Variants in CSMD1 observed in about 807,000 individuals in gnomAD.
CSMD1 encodes CUB and Sushi multiple domains 1.
A neutral mutation model predicts 417.5 loss-of-function variants in CSMD1; 213 were observed. That is an observed-to-expected ratio of 0.51 (90% CI 0.46 to 0.57). The LOEUF is 0.57. CSMD1 is among the 20% of genes least tolerant of loss of function. CSMD1 has a pLI of 0.00. For missense variants in CSMD1, 6,923 were observed against 4,529.7 expected (o/e 1.53, Z -15.17); for synonymous variants, 2,862 against 1,736.8 (o/e 1.65, Z -16.11).
At chr8:4,428,058 G>A (rs1041954772) in intron 2 of CSMD1, among the ~76,000 whole-genome samples, 1 of 152,150 alleles carries the variant, frequency 6.6e-6, no homozygotes, top group African/African-American at 2.4e-5. Context: ...AGACATGAAG[G>A]TTACATGTCT....
At chr8:4,269,045 C>G (rs1307564168) in intron 3 of CSMD1, among the ~76,000 whole-genome samples, 2 of 152,092 alleles carry the variant, frequency 1.3e-5, no homozygotes, top group Non-Finnish European at 2.9e-5. Context: ...TCCAAGGTAT[C>G]ATCTTCGTCT....
chr8:2,978,772 C>T lies in CSMD1; in HGVS notation c.8406G>A (p.Val2802=), dbSNP rs2128937755. ...GTTGCCCGTGACGAATGGCATTTTC[C>T]ACAAAGCCTGGATCAGAACAGTTCA... is the stretch of plus-strand genomic sequence containing the variant. The part of the protein sequence containing the change: ...RVVNCSDPGF[V]ENAIRHGQQN... The change falls in exon 55 of 70, where the codon GTG becomes GTA. Residue 2802 remains valine, a synonymous_variant. Transcript: ENST00000635120. 6.2e-7 allele frequency: 1 copy of T among 1,613,326 alleles called. No homozygotes were observed. Among genetic ancestry groups the T allele is most frequent in the Middle Eastern group, 1.7e-4 (1 of 6,056 alleles).
At position 3,288,117 on chromosome 8, in the gene CSMD1, A is replaced by G. The variant is rs1162317424; in HGVS notation, c.3951-3771T>C. ...TGCTGGATTACATTTATCGATTTTC[A>G]TTTGTTGAACAAGCCATGCATCCCA... On this transcript the variant is annotated intron_variant, in intron 25 of 69. Transcript: ENST00000635120. Among the ~76,000 whole-genome samples the G allele has an allele frequency of 3.4e-5, 5 of 147,234 alleles. 1 individual carries two copies. The highest frequency in any genetic ancestry group is 1.3e-4 in the African/African-American group (5 of 37,100).
intron 5 of CSMD1, among the ~76,000 whole-genome samples, chr8:3,913,714 G>C (rs2912288): frequency 3.9e-5 from 6 of 152,056 alleles, no homozygotes; most frequent in African/African-American, 1.4e-4. Flanking sequence ...ATGGAAGCAT[G>C]CAGGGAAGGC....
chr8:4,183,435 G>A (rs145780766), intron 3 of CSMD1, among the ~76,000 whole-genome samples: 4 of 152,312 alleles, frequency 2.6e-5, no homozygotes, highest in African/African-American at 9.6e-5. Context: ...GTCACAGCTT[G>A]TCAATAATTT....
intron 3 of CSMD1, among the ~76,000 whole-genome samples, chr8:4,288,577 C>G (rs1797189892): frequency 6.6e-6 from 1 of 152,194 alleles, no homozygotes; most frequent in African/African-American, 2.4e-5. Context: ...GATGCAAGTT[C>G]AGCTCTACGC....
At chr8:4,149,194 C>T (rs1796439677) in intron 3 of CSMD1, among the ~76,000 whole-genome samples, 1 of 152,078 alleles carries the variant, frequency 6.6e-6, no homozygotes, top group South Asian at 2.1e-4. Flanking sequence ...GAACTCCTGA[C>T]CTCAGGTGAT....
chr8:4,488,022 G>C (rs994872089), intron 2 of CSMD1, among the ~76,000 whole-genome samples: 3 of 152,130 alleles, frequency 2.0e-5, no homozygotes, highest in African/African-American at 7.2e-5. Flanking sequence ...GGGCTTTCTG[G>C]AGGTGAGTAG....
rs1018617881 is a variant in CSMD1, at chr8:3,132,939, C to T, written c.6241+9526G>A. On this transcript the variant is annotated intron_variant, in intron 41 of 69. Transcript: ENST00000635120. ...GAAATATCTAAGTGGGAAGACCCTC[C>T]TTCGCCCAGGTCTACAAGAAGGCTG... Among the ~76,000 whole-genome samples, 4 of 152,224 alleles carry T rather than the reference C, an allele frequency of 2.6e-5. No individual in the cohort carries two copies. In the East Asian group the frequency reaches 7.7e-4, roughly 29 times the overall value.
At chr8:4,412,785 C>CA (rs1402766372) in intron 3 of CSMD1, among the ~76,000 whole-genome samples, 2 of 152,058 alleles carry the variant, frequency 1.3e-5, no homozygotes, top group African/African-American at 2.4e-5. Context: ...ACTGATATGA[C>CA]AGTTTTATTA....
At chr8:3,178,094 T>G (rs1821056134) in intron 37 of CSMD1, among the ~76,000 whole-genome samples, 1 of 152,176 alleles carries the variant, frequency 6.6e-6, no homozygotes, top group Non-Finnish European at 1.5e-5. Context: ...GTCATATACA[T>G]TAAACCAGAG....
intron 25 of CSMD1, among the ~76,000 whole-genome samples, chr8:3,299,272 G>T (rs2406460): frequency 0.73 from 110,609 of 151,838 alleles, 40,810 homozygotes; most frequent in Middle Eastern, 0.8. Context: ...GCCAATATGG[G>T]GAAACCCTGT....
At chr8:4,238,986 G>A (rs996934050) in intron 3 of CSMD1, among the ~76,000 whole-genome samples, 4 of 152,132 alleles carry the variant, frequency 2.6e-5, no homozygotes, top group African/African-American at 9.7e-5. Flanking sequence ...CCATTTTCCT[G>A]CTTCCCATCA....
chr8:3,184,047 C>G (rs964761483), intron 36 of CSMD1, among the ~76,000 whole-genome samples: 1 of 152,062 alleles, frequency 6.6e-6, no homozygotes, highest in Non-Finnish European at 1.5e-5. Context: ...ATCTTAGGAC[C>G]AAATTTCACA....
At chr8:4,215,507 GTT>G (rs59039032) in intron 3 of CSMD1, among the ~76,000 whole-genome samples, 150,038 of 151,186 alleles carry the variant, frequency 0.99, 74,458 homozygotes, top group Non-Finnish European at 1. Context: ...TACATAGAGA[GTT>G]TTTTTTTTTT....
intron 6 of CSMD1, among the ~76,000 whole-genome samples, chr8:3,748,391 G>C (rs557228745): frequency 2.6e-5 from 4 of 152,092 alleles, no homozygotes; most frequent in Non-Finnish European, 4.4e-5. Flanking sequence ...AGCAAGGGAG[G>C]TCCACTGCCA....
At chr8:4,313,826 C>A (rs1214989318) in intron 3 of CSMD1, among the ~76,000 whole-genome samples, 1 of 151,856 alleles carries the variant, frequency 6.6e-6, no homozygotes, top group South Asian at 2.1e-4. Context: ...CTAGCCTGAC[C>A]AATATGGTGA....
intron 3 of CSMD1, among the ~76,000 whole-genome samples, chr8:4,187,858 T>A (rs556949532): frequency 6.6e-6 from 1 of 152,188 alleles, no homozygotes; most frequent in South Asian, 2.1e-4. Context: ...ATAGGCAGTT[T>A]TATACTTTTA....
At chr8:4,787,496 A>G (rs1585097640) in intron 1 of CSMD1, 1 of 901,210 alleles carries the variant, frequency 1.1e-6, no homozygotes, top group Admixed American at 2.0e-5. Flanking sequence ...GAAAATCACC[A>G]GTTGTATTTT....
Sources: allele counts gnomAD v4.1 joint callset (sites outside exome capture counted in the v4.1 genomes callset), GRCh38; gene constraint gnomAD v4.1.1; transcripts MANE v1.5; gene names NCBI Gene and HGNC (gene_info 2026-07-23, HGNC 2026-07-21).